The following ENTPD5 variants were observed in gnomAD, a reference collection of about 807,000 sequenced individuals.
ENTPD5 encodes the protein nucleoside diphosphate phosphatase ENTPD5.
A neutral mutation model predicts 60.2 loss-of-function variants in ENTPD5; 49 were observed. The ratio of observed to expected loss-of-function variants is 0.81; its 90% confidence interval spans 0.65 to 1.03. ENTPD5 has a LOEUF of 1.03. Ranked by LOEUF, ENTPD5 falls within the 50% of genes least tolerant of loss-of-function variation. ENTPD5 has a pLI of 0.00. For missense variants in ENTPD5, 480 were observed against 507.6 expected (o/e 0.95, Z 0.52); for synonymous variants, 187 against 185.4 (o/e 1.01, Z -0.07).
chr14:74,000,774 T>C (rs2058484332), intron 3 of ENTPD5, among the ~76,000 whole-genome samples: 1 of 151,768 alleles, frequency 6.6e-6, no homozygotes, highest in Admixed American at 6.6e-5. Flanking sequence ...CAAGAACCTG[T>C]CTCAAAACAA....
downstream of ENTPD5, chr14:73,955,823 G>A: frequency 6.2e-7 from 1 of 1,614,186 alleles, no homozygotes; most frequent in Non-Finnish European, 8.5e-7. Flanking sequence ...CGCCTGCTCA[G>A]AGGCCCTGAT....
At chr14:73,956,722 T>C (rs893183564), downstream of ENTPD5, 3 of 152,202 alleles carry the variant, frequency 2.0e-5, no homozygotes, top group African/African-American at 7.2e-5. Flanking sequence ...GTTTTTGAGT[T>C]ATAGGAGTTC....
At chr14:73,994,405 G>T (rs2058260160) in intron 3 of ENTPD5, among the ~76,000 whole-genome samples, 1 of 151,890 alleles carries the variant, frequency 6.6e-6, no homozygotes, top group Admixed American at 6.6e-5. Flanking sequence ...GGGATAACAG[G>T]CACAAGCCTC....
rs985647487 is a variant in ENTPD5 at position 73,966,009 on chromosome 14, C to T, written c.*919G>A. On this transcript the variant is annotated 3_prime_UTR_variant, in exon 16 of 16. Coordinates refer to ENST00000334696, the MANE Select transcript of ENTPD5 (RefSeq NM_001249.5). ...CAAACGGAGAGAATAAAAGGGCAAA[C>T]TGAAATAATAGATCCTGGAATAGCA... 1 of 152,210 alleles carries T rather than the reference C, an allele frequency of 6.6e-6. No individual in the cohort carries two copies. Among genetic ancestry groups the T allele is most frequent in the East Asian group, 1.9e-4 (1 of 5,194 alleles). The allele number at this position is 152,210 out of a possible 1,614,324, so 9.4% of individuals were successfully genotyped here. A position where few individuals can be genotyped will look rare whatever the true frequency, so the allele number is the denominator to read the frequency against.
chr14:73,999,517 C>T (rs1326828223), intron 3 of ENTPD5, among the ~76,000 whole-genome samples: 1 of 147,152 alleles, frequency 6.8e-6, no homozygotes, highest in East Asian at 2.0e-4. Context: ...AAAGGTAGGC[C>T]GGGCACGGTG....
intron 2 of ENTPD5, among the ~76,000 whole-genome samples, chr14:74,013,400 C>G (rs2058906026): frequency 6.6e-6 from 1 of 152,172 alleles, no homozygotes; most frequent in South Asian, 2.1e-4. Flanking sequence ...AGTCAAAACC[C>G]ACAGCCCATG....
chr14:73,973,098 C>G, intron 12 of ENTPD5, 74 bp from the exon 13 acceptor site: 1 of 1,556,420 alleles, frequency 6.4e-7, no homozygotes, highest in South Asian at 1.2e-5. Flanking sequence ...AGGCAGGCTG[C>G]TGGAGACAAT....
chr14:73,957,212 C>T (rs1391890629), downstream of ENTPD5, among the ~76,000 whole-genome samples: 1 of 152,028 alleles, frequency 6.6e-6, no homozygotes, highest in Admixed American at 6.6e-5. Context: ...ATTCTCCTGC[C>T]TCAGCCTCTG....
At chr14:73,958,097 C>CT, downstream of ENTPD5, 7 of 1,471,632 alleles carry the variant, frequency 4.8e-6, no homozygotes, top group Non-Finnish European at 6.7e-6. Context: ...TTTCCTCAGC[C>CT]TATGTGGCCC....
chr14:73,955,620 C>T (rs759485664), downstream of ENTPD5: 3 of 1,365,088 alleles, frequency 2.2e-6, no homozygotes, highest in South Asian at 1.2e-5. Flanking sequence ...ACAAGGTTCA[C>T]ATTCAGTCCG....
intron 3 of ENTPD5, among the ~76,000 whole-genome samples, chr14:73,999,125 A>ATC (rs398070540): frequency 6.6e-6 from 1 of 152,130 alleles, no homozygotes; most frequent in African/African-American, 2.4e-5. Flanking sequence ...CTTTTTATTC[A>ATC]AGATGCTGAG....
At chr14:73,973,126 G>T in intron 12 of ENTPD5, 102 bp from the exon 13 acceptor site, 1 of 1,390,558 alleles carries the variant, frequency 7.2e-7, no homozygotes, top group Non-Finnish European at 9.8e-7. Flanking sequence ...CAGCAGGAAG[G>T]TCAAGGAAAG....
chr14:74,001,666 C>CAAAAAAAAAAAAAAAAAA (rs541623960), intron 3 of ENTPD5, among the ~76,000 whole-genome samples: 3 of 49,356 alleles, frequency 6.1e-5, no homozygotes, highest in Non-Finnish European at 6.9e-5. Flanking sequence ...GACCTCATCT[C>CAAAAAAAAAAAAAAAAAA]AAAAAAAAAA....
At chr14:74,006,182 G>A (rs372966065) in intron 3 of ENTPD5, among the ~76,000 whole-genome samples, 27 of 151,830 alleles carry the variant, frequency 1.8e-4, no homozygotes, top group African/African-American at 4.4e-4. Context: ...GAGACAAAGC[G>A]GGGTTTCTCC....
At chr14:74,017,184 G>A (rs934737236) in intron 1 of ENTPD5, among the ~76,000 whole-genome samples, 2 of 152,218 alleles carry the variant, frequency 1.3e-5, no homozygotes, top group Non-Finnish European at 2.9e-5. Flanking sequence ...CGGGCATGGT[G>A]GCGCATGCCT....
rs2056892276 is a variant in ENTPD5 at position 73,964,503 on chromosome 14, G to A, written c.*2425C>T. ...CCTGGAGTTCAGAGGTATTTGGGAT[G>A]ACCAAAGGAGTCTGCTGGACAGTAT... On this transcript the variant is annotated 3_prime_UTR_variant, in exon 16 of 16. Transcript: ENST00000334696. 6.6e-6 allele frequency: 1 copy of A among 152,238 alleles called. No homozygotes were observed. The highest frequency in any genetic ancestry group is 1.5e-5 in the Non-Finnish European group (1 of 68,064). 9.4% of individuals were successfully genotyped at this position (152,238 alleles called of 1,614,324 possible).
At chr14:73,955,546 T>C (rs2056393164), downstream of ENTPD5, 4 of 1,590,202 alleles carry the variant, frequency 2.5e-6, no homozygotes, top group African/African-American at 4.0e-5. Flanking sequence ...CAAGATGTCT[T>C]GGTCTGTCTT....
intron 15 of ENTPD5, among the ~76,000 whole-genome samples, chr14:73,969,059 G>T (rs945195829): frequency 5.3e-5 from 8 of 152,170 alleles, no homozygotes; most frequent in African/African-American, 1.9e-4. Flanking sequence ...CACCCTCTTG[G>T]TCTCTCATGT....
chr14:74,016,270 T>C (rs531762984), intron 1 of ENTPD5, among the ~76,000 whole-genome samples: 88 of 152,232 alleles, frequency 5.8e-4, no homozygotes, highest in Non-Finnish European at 1.1e-3. Flanking sequence ...GGCATTTCCC[T>C]GAGCCATATT....
Sources: allele counts gnomAD v4.1 joint callset (sites outside exome capture counted in the v4.1 genomes callset), GRCh38; gene constraint gnomAD v4.1.1; transcripts MANE v1.5; gene names NCBI Gene and HGNC (gene_info 2026-07-23, HGNC 2026-07-21).